The following MTUS2 variants were observed in gnomAD, a reference collection of about 807,000 sequenced individuals.
The protein encoded by MTUS2 is microtubule associated scaffold protein 2, also known as microtubule-associated tumor suppressor candidate 2.
Under a neutral mutation model 114.1 loss-of-function variants are expected in MTUS2, and 40 were observed. The observed-to-expected ratio is 0.35, with a 90% CI of 0.27 to 0.46. The LOEUF (loss-of-function observed/expected upper bound fraction) is 0.46, where lower values mean the gene tolerates loss of function less well. Among genes scored for constraint, MTUS2 ranks in the 20% least tolerant of loss-of-function variants. MTUS2 has a pLI of 1.00. For missense variants in MTUS2, 1,679 were observed against 1,705.4 expected, an observed-to-expected ratio of 0.98 and a Z score of 0.27; for synonymous variants, 688 against 672.0, an observed-to-expected ratio of 1.02 and a Z score of -0.37.
chr13:29,076,296 G>T (rs879594926), intron 4 of MTUS2, among the ~76,000 whole-genome samples: 2 of 152,124 alleles, frequency 1.3e-5, no homozygotes, highest in African/African-American at 4.8e-5. Flanking sequence ...TTTTATTATG[G>T]TATTAATAGC....
chr13:29,080,001 A>G (rs1889370367), intron 4 of MTUS2, among the ~76,000 whole-genome samples: 1 of 151,878 alleles, frequency 6.6e-6, no homozygotes, highest in Non-Finnish European at 1.5e-5. Context: ...TGCCATCTTA[A>G]CAATATTAAG....
At chr13:28,922,915 C>T (rs773195300) in intron 2 of MTUS2, among the ~76,000 whole-genome samples, 2 of 152,196 alleles carry the variant, frequency 1.3e-5, no homozygotes, top group Admixed American at 1.3e-4. Flanking sequence ...GTTCCACCAA[C>T]ATTTCTTAAA....
At chr13:29,153,658 G>T (rs551310424) in intron 5 of MTUS2, among the ~76,000 whole-genome samples, 3 of 152,100 alleles carry the variant, frequency 2.0e-5, no homozygotes, top group East Asian at 3.9e-4. Context: ...CCCATCTCCA[G>T]TTCTCCCCTT....
At chr13:28,836,253 G>A (rs1450250289) in intron 1 of MTUS2, among the ~76,000 whole-genome samples, 4 of 152,024 alleles carry the variant, frequency 2.6e-5, no homozygotes, top group Non-Finnish European at 5.9e-5. Flanking sequence ...CTTACAGCAC[G>A]TCTCAGTTTA....
At chr13:29,256,491 C>G (rs1025887378) in intron 5 of MTUS2, among the ~76,000 whole-genome samples, 1 of 152,228 alleles carries the variant, frequency 6.6e-6, no homozygotes, top group Non-Finnish European at 1.5e-5. Flanking sequence ...GAGGGCAAAG[C>G]ACCACGGAGG....
rs367562715 is a variant in MTUS2, at chr13:29,394,529, A to G, written c.3117+35056A>G. On this transcript the variant is annotated intron_variant, in intron 8 of 15. Transcript: ENST00000612955. The stretch of plus-strand genomic sequence containing the variant: ...GTGAAGCCTCCAGGAAGCAGGCTTC[A>G]GAGAGAATACATGGTAAATGTCTCT... Among the ~76,000 whole-genome samples the G allele has an allele frequency of 4.4e-4, 67 of 152,356 alleles. 1 individual carries two copies. The highest frequency in any genetic ancestry group is 1.6e-3 in the African/African-American group (65 of 41,596).
At chr13:29,134,797 A>T (rs1891909599) in intron 5 of MTUS2, among the ~76,000 whole-genome samples, 1 of 152,206 alleles carries the variant, frequency 6.6e-6, no homozygotes, top group East Asian at 1.9e-4. Flanking sequence ...GGGTTTCACC[A>T]TTTTGGCCAG....
chr13:28,918,289 AT>A (rs1299142590), intron 2 of MTUS2, among the ~76,000 whole-genome samples: 1 of 151,990 alleles, frequency 6.6e-6, no homozygotes, highest in African/African-American at 2.4e-5. Flanking sequence ...GTCTCCAACT[AT>A]TATTGTATTG....
chr13:29,209,269 C>T (rs1168086969), intron 5 of MTUS2, among the ~76,000 whole-genome samples: 2 of 152,110 alleles, frequency 1.3e-5, no homozygotes, highest in African/African-American at 2.4e-5. Flanking sequence ...TGTCCATTTG[C>T]ATGGAATATC....
intron 3 of MTUS2, among the ~76,000 whole-genome samples, chr13:29,027,866 A>T (rs1223257249): frequency 2.0e-5 from 3 of 152,176 alleles, no homozygotes; most frequent in African/African-American, 7.2e-5. Flanking sequence ...CACCGTATAG[A>T]TACAGAGACA....
At chr13:28,917,722 T>C (rs1175128794) in intron 2 of MTUS2, among the ~76,000 whole-genome samples, 2 of 151,940 alleles carry the variant, frequency 1.3e-5, no homozygotes, top group Non-Finnish European at 2.9e-5. Flanking sequence ...TTCAAATTCA[T>C]TTATTTCGCT....
intron 8 of MTUS2, among the ~76,000 whole-genome samples, chr13:29,391,543 G>C (rs1057111191): frequency 9.8e-6 from 1 of 101,974 alleles, no homozygotes; most frequent in Non-Finnish European, 2.5e-5. Flanking sequence ...CATGGCTTCA[G>C]GGGCAATATC....
intron 5 of MTUS2, among the ~76,000 whole-genome samples, chr13:29,133,220 T>C (rs1891839470): frequency 6.6e-6 from 1 of 152,166 alleles, no homozygotes; most frequent in African/African-American, 2.4e-5. Context: ...GTTTGTTTTT[T>C]GTTATTGAGT....
intron 2 of MTUS2, among the ~76,000 whole-genome samples, chr13:28,939,912 T>A (rs1882130826): frequency 6.6e-6 from 1 of 152,158 alleles, no homozygotes; most frequent in African/African-American, 2.4e-5. Flanking sequence ...CTAAGTCATG[T>A]CTTACGTGGC....
At chr13:29,383,842 T>C (rs555415662) in intron 8 of MTUS2, among the ~76,000 whole-genome samples, 2 of 152,368 alleles carry the variant, frequency 1.3e-5, no homozygotes, top group Admixed American at 1.3e-4. Context: ...ATTACTGTCC[T>C]GGATAACCAT....
chr13:28,967,283 T>G (rs992961474), intron 2 of MTUS2, among the ~76,000 whole-genome samples: 1 of 152,170 alleles, frequency 6.6e-6, no homozygotes, highest in African/African-American at 2.4e-5. Flanking sequence ...TTGTGCACCA[T>G]TTTACTATTT....
At chr13:29,392,509 C>G (rs1336757232) in intron 8 of MTUS2, among the ~76,000 whole-genome samples, 2 of 152,198 alleles carry the variant, frequency 1.3e-5, no homozygotes, top group African/African-American at 4.8e-5. Context: ...CTGGACGGCT[C>G]TTGCCCTGGG....
At chr13:29,128,929 T>C (rs1053879184) in intron 5 of MTUS2, among the ~76,000 whole-genome samples, 2 of 152,216 alleles carry the variant, frequency 1.3e-5, no homozygotes, top group Non-Finnish European at 2.9e-5. Context: ...ACCTTCATCT[T>C]TGATGCCTTT....
At chr13:29,110,465 A>C (rs925899960) in intron 5 of MTUS2, among the ~76,000 whole-genome samples, 48 of 152,322 alleles carry the variant, frequency 3.2e-4, no homozygotes, top group African/African-American at 1.1e-3. Flanking sequence ...GGAAATGCGG[A>C]AGTCAAACAA....
Sources: allele counts gnomAD v4.1 joint callset (sites outside exome capture counted in the v4.1 genomes callset), GRCh38; gene constraint gnomAD v4.1.1; transcripts MANE v1.5; gene names NCBI Gene and HGNC (gene_info 2026-07-23, HGNC 2026-07-21).